The following OR8B3 variants were observed in gnomAD, a reference collection of about 807,000 sequenced individuals.
The protein encoded by OR8B3 is olfactory receptor family 8 subfamily B member 3.
For missense variants in OR8B3, 278 were observed against 377.6 expected (o/e 0.74, Z 2.19); for synonymous variants, 102 against 135.4 (o/e 0.75, Z 1.71).
upstream of OR8B3, among the ~76,000 whole-genome samples, chr11:124,399,751 T>C (rs1273612942): frequency 6.6e-6 from 1 of 152,206 alleles, no homozygotes; most frequent in East Asian, 1.9e-4. Flanking sequence ...TGACATAGGT[T>C]CAATAATGTT....
upstream of OR8B3, among the ~76,000 whole-genome samples, chr11:124,400,626 C>T (rs1343711111): frequency 6.6e-6 from 1 of 152,112 alleles, no homozygotes; most frequent in East Asian, 1.9e-4. Flanking sequence ...GAAGCCTTGG[C>T]CTCCTGGACT....
chr11:124,401,336 A>G (rs1386662125), upstream of OR8B3, among the ~76,000 whole-genome samples: 2 of 152,144 alleles, frequency 1.3e-5, no homozygotes, highest in Non-Finnish European at 2.9e-5. Context: ...TGGCCTAATC[A>G]CAATCACCTC....
At chr11:124,406,361 G>A in the OR8B3 span, among the ~76,000 whole-genome samples, 1 of 152,154 alleles carries the variant, frequency 6.6e-6, no homozygotes, top group Admixed American at 6.5e-5. Flanking sequence ...AATATGGAAA[G>A]AGTCTGGTAA....
upstream of OR8B3, among the ~76,000 whole-genome samples, chr11:124,400,792 CCTCCCAAGGTGTAAT>C (rs201392324): frequency 5.9e-4 from 89 of 152,090 alleles, 1 homozygote; most frequent in East Asian, 0.013. Flanking sequence ...CCCACCTTGG[CCTCCCAAGGTGTAAT>C]CTCCCAAGGT....
chr11:124,402,773 G>A (rs1158059870), upstream of OR8B3, among the ~76,000 whole-genome samples: 6 of 151,980 alleles, frequency 3.9e-5, no homozygotes, highest in African/African-American at 1.5e-4. Context: ...TAGAGTAAGA[G>A]CTTTAAACAA....
chr11:124,397,858 C>A (rs1394825093), intron 1 of OR8B3, among the ~76,000 whole-genome samples: 2 of 152,002 alleles, frequency 1.3e-5, no homozygotes, highest in East Asian at 3.9e-4. Context: ...ACGATCCCAG[C>A]TAATTTTTGT....
upstream of OR8B3, among the ~76,000 whole-genome samples, chr11:124,399,443 G>A (rs1463133933): frequency 6.6e-6 from 1 of 152,046 alleles, no homozygotes; most frequent in African/African-American, 2.4e-5. Flanking sequence ...TCATAAAAAT[G>A]TATTTACCTT....
chr11:124,397,378 CAAAAG>C lies in OR8B3; in HGVS notation c.-17-15_-17-11del, dbSNP rs748408114. 9.8e-7 allele frequency: 1 copy of C among 1,022,924 alleles called. No homozygotes were observed. 63.4% of individuals were successfully genotyped at this position (1,022,924 alleles called of 1,614,324 possible). A position where few individuals can be genotyped will look rare whatever the true frequency, so the allele number is the denominator to read the frequency against. Reference sequence around the variant, plus strand: ...TTTTGTCTTCAAAAATCTGGGAAGACAAAAGAAAATTCTATTAGGAACACAGATTT... The same window carrying C: ...TTTTGTCTTCAAAAATCTGGGAAGACAAAATTCTATTAGGAACACAGATTT... On this transcript the variant is annotated splice_polypyrimidine_tract_variant and intron_variant, in intron 1 of 1. Transcript: ENST00000641139.
chr11:124,408,818 A>G, the OR8B3 span, among the ~76,000 whole-genome samples: 1 of 152,180 alleles, frequency 6.6e-6, no homozygotes, highest in South Asian at 2.1e-4. Context: ...TTACCATGGC[A>G]ATACTCAATG....
chr11:124,401,309 C>T (rs995186768), upstream of OR8B3, among the ~76,000 whole-genome samples: 5 of 151,064 alleles, frequency 3.3e-5, no homozygotes, highest in South Asian at 2.1e-4. Context: ...CATTAATTCA[C>T]GAGGGGAGAA....
upstream of OR8B3, among the ~76,000 whole-genome samples, chr11:124,399,751 T>G (rs1273612942): frequency 6.6e-6 from 1 of 152,206 alleles, no homozygotes; most frequent in African/African-American, 2.4e-5. Flanking sequence ...TGACATAGGT[T>G]CAATAATGTT....
chr11:124,397,725 T>A (rs1215227264), intron 1 of OR8B3, among the ~76,000 whole-genome samples: 1 of 151,798 alleles, frequency 6.6e-6, no homozygotes, highest in East Asian at 1.9e-4. Context: ...AGATGGAGTT[T>A]CACGCTTGTT....
Position 124,397,019 on chromosome 11 carries a change from T to C in OR8B3, c.333A>G (p.Glu111=). The C allele has an allele frequency of 1.2e-6, 2 of 1,613,866 alleles. No individual in the cohort carries two copies. The highest frequency in any genetic ancestry group is 1.7e-6 in the Non-Finnish European group (2 of 1,179,866). ...ATGCCATTGAGGTCAACATGTAACA[T>C]TCAGAGATGACAAAAAAGAGAAAGA... ...LFFFLFFVIS[E]CYMLTSMAYD... Residue 111 remains glutamate, a synonymous_variant, in exon 2 of 2, where the codon GAA becomes GAG. Transcript: ENST00000641139.
At chr11:124,404,892 G>A in the OR8B3 span, 2 of 152,150 alleles carry the variant, frequency 1.3e-5, no homozygotes, top group African/African-American at 4.8e-5. Context: ...GAATTTTTGT[G>A]GTACAGACAA....
chr11:124,407,879 A>T, the OR8B3 span, among the ~76,000 whole-genome samples: 10 of 152,192 alleles, frequency 6.6e-5, no homozygotes, highest in Admixed American at 1.3e-4. Flanking sequence ...TACAGATCTA[A>T]TAGACGGACA....
Position 124,396,996 on chromosome 11 carries a change from G to A in OR8B3, c.356C>T (p.Ala119Val). The change falls in exon 2 of 2, where the codon GCA becomes GTA. Residue 119 changes from alanine to valine, a missense_variant. Transcript: ENST00000641139. ...ACAGATGGCCACATAGCGATCATAT[G>A]CCATTGAGGTCAACATGTAACATTC... The part of the protein sequence containing the change: ...ISECYMLTSM[A>V]YDRYVAICNP... The A allele has an allele frequency of 6.2e-7, 1 of 1,613,856 alleles. No individual in the cohort carries two copies. Among genetic ancestry groups the A allele is most frequent in the Non-Finnish European group, 8.5e-7 (1 of 1,179,860 alleles).
chr11:124,406,994 G>A, the OR8B3 span, among the ~76,000 whole-genome samples: 4 of 152,080 alleles, frequency 2.6e-5, no homozygotes, highest in African/African-American at 9.7e-5. Context: ...TGAAGCAAAT[G>A]TTTTTGGGGG....
rs990591134 is a variant in OR8B3, at chr11:124,397,004, G to A, written c.348C>T (p.Thr116=). The A allele has an allele frequency of 1.3e-5, 21 of 1,613,820 alleles. No homozygotes were observed. Among genetic ancestry groups the A allele is most frequent in the African/African-American group, 2.7e-5 (2 of 75,022 alleles). Residue 116 remains threonine, a synonymous_variant, in exon 2 of 2, where the codon ACC becomes ACT. Transcript: ENST00000641139. Reference sequence around the variant, plus strand: ...CCACATAGCGATCATATGCCATTGAGGTCAACATGTAACATTCAGAGATGA... The same window carrying A: ...CCACATAGCGATCATATGCCATTGAAGTCAACATGTAACATTCAGAGATGA... ...FFVISECYML[T]SMAYDRYVAI...
rs1860937193 is a variant in OR8B3 at position 124,398,675 on chromosome 11, A to T, written c.-18+15T>A. The T allele has an allele frequency of 6.6e-6, 1 of 152,204 alleles. No individual in the cohort carries two copies. Among genetic ancestry groups the T allele is most frequent in the South Asian group, 2.1e-4 (1 of 4,830 alleles). The allele number at this position is 152,204 out of a possible 1,614,324, so 9.4% of individuals were successfully genotyped here. A position where few individuals can be genotyped will look rare whatever the true frequency, so the allele number is the denominator to read the frequency against. ...CAACATCCAGGAGAGAGAAATAGAAACTTGATTAACTCACCTTCCTTCCAC... is the reference window on the plus strand; with the variant it reads ...CAACATCCAGGAGAGAGAAATAGAATCTTGATTAACTCACCTTCCTTCCAC... On this transcript the variant is annotated intron_variant, in intron 1 of 1. Transcript: ENST00000641139.
Sources: gnomAD v4.1 joint callset for allele counts (sites outside exome capture counted in the v4.1 genomes callset) on GRCh38, gnomAD v4.1.1 for gene constraint, MANE v1.5 for transcripts, NCBI Gene and HGNC (gene_info 2026-07-23, HGNC 2026-07-21) for gene names.